WDSUB1: variants seen among roughly 807,000 people sequenced by gnomAD.
The protein encoded by WDSUB1 is WD repeat, SAM and U-box domain-containing protein 1.
In WDSUB1, 49 loss-of-function variants were observed where a neutral mutation model predicts 53.9. That is an observed-to-expected ratio of 0.91 (90% CI 0.72 to 1.15). WDSUB1 has a LOEUF of 1.15. WDSUB1 is among the 50% of genes most tolerant of loss of function. The pLI, the probability that WDSUB1 is intolerant of heterozygous loss-of-function variation, is 0.00. For missense variants in WDSUB1, 514 were observed against 562.0 expected (o/e 0.91, Z 0.86); for synonymous variants, 194 against 200.6 (o/e 0.97, Z 0.28).
chr2:159,282,067 T>TA (rs70994284), intron 2 of WDSUB1, among the ~76,000 whole-genome samples: 75,488 of 149,896 alleles, frequency 0.5, 19,527 homozygotes, highest in Non-Finnish European at 0.58. Context: ...CTCTTACAAT[T>TA]AAAAAAAAAA....
chr2:159,282,711 G>A lies in WDSUB1; in HGVS notation c.359C>T (p.Thr120Ile). 1.9e-6 allele frequency: 3 copies of A among 1,613,942 alleles called. No individual in the cohort carries two copies. The highest frequency in any genetic ancestry group is 2.2e-5 in the East Asian group (1 of 44,872). The change falls in exon 2 of 11, where the codon ACT (threonine) becomes ATT (isoleucine). Residue 120 changes from threonine to isoleucine, a missense_variant. By Grantham distance (89) the Thr-to-Ile change is moderately conservative. Transcript: ENST00000359774. ...TCLASGAADG[T>I]VVLWNAQSYK... ...TGACTGTGCATTCCACAAAACCACA[G>A]TTCCATCAGCTGCCCCTGATGCCAA...
chr2:159,259,880 A>G, intron 5 of WDSUB1, 37 bp from the exon 6 acceptor site: 2 of 1,467,282 alleles, frequency 1.4e-6, no homozygotes, highest in Non-Finnish European at 1.8e-6. Context: ...AAAGTTCTAT[A>G]AAAACAAAGT....
At chr2:159,254,015 A>G (rs1192775492) in intron 9 of WDSUB1, among the ~76,000 whole-genome samples, 1 of 152,216 alleles carries the variant, frequency 6.6e-6, no homozygotes, top group Non-Finnish European at 1.5e-5. Context: ...TCTTAAACAC[A>G]AGCCTAAGAG....
intron 10 of WDSUB1, among the ~76,000 whole-genome samples, chr2:159,244,272 T>C (rs1337691611): frequency 4.6e-5 from 7 of 151,966 alleles, no homozygotes; most frequent in Non-Finnish European, 4.4e-5. Context: ...AAGAAAGAAA[T>C]TACTTACATG....
rs116061446 is a variant in WDSUB1 at position 159,285,721 on chromosome 2, T to C, written c.-25+862A>G. On this transcript the variant is annotated intron_variant, in intron 1 of 10. Transcript: ENST00000359774. Reference sequence around the variant, plus strand: ...ACCCCATCAATCAATCAAACAAATATTAAGGCATAAGGAGCATGCCTTTCC... The same window carrying C: ...ACCCCATCAATCAATCAAACAAATACTAAGGCATAAGGAGCATGCCTTTCC... Among the ~76,000 whole-genome samples, 565 of 152,258 alleles carry C rather than the reference T, an allele frequency of 3.7e-3. 1 individual carries two copies. The highest frequency in any genetic ancestry group is 0.013 in the African/African-American group (540 of 41,530).
At chr2:159,244,950 AT>A (rs1246343082) in intron 10 of WDSUB1, among the ~76,000 whole-genome samples, 1 of 152,086 alleles carries the variant, frequency 6.6e-6, no homozygotes, top group Non-Finnish European at 1.5e-5. Flanking sequence ...AAATTTAAAC[AT>A]TTTTTTAAAA....
chr2:159,264,242 A>ATC (rs1251934043), intron 5 of WDSUB1, among the ~76,000 whole-genome samples: 1 of 152,246 alleles, frequency 6.6e-6, no homozygotes, highest in Non-Finnish European at 1.5e-5. Context: ...CTTTCAAGCA[A>ATC]TCTAGCATCT....
At chr2:159,252,387 G>GT (rs1216953033) in intron 9 of WDSUB1, among the ~76,000 whole-genome samples, 1 of 152,094 alleles carries the variant, frequency 6.6e-6, no homozygotes, top group Admixed American at 6.6e-5. Flanking sequence ...TACAATATAC[G>GT]TGAGTGAGGA....
In WDSUB1 at chr2:159,247,914, T is replaced by TATATATATATAA. The variant is rs1559532105; in HGVS notation, c.1273+457_1273+458insTTATATATATAT. On this transcript the variant is annotated intron_variant, in intron 10 of 10. Transcript: ENST00000359774. ...ATATATATATATATATATATAAATA[T>TATATATATATAA]ATATATATATATAAATATATATATA... is the stretch of plus-strand genomic sequence containing the variant. Among the ~76,000 whole-genome samples, 117 of 65,448 alleles carry TATATATATATAA rather than the reference T, an allele frequency of 1.8e-3. 4 individuals are homozygous for TATATATATATAA. The highest frequency in any genetic ancestry group is 2.9e-3 in the East Asian group (6 of 2,080). The allele number at this position is 65,448 out of a possible 152,430, so 42.9% of individuals were successfully genotyped here.
At chr2:159,264,128 A>C (rs1296285535) in intron 5 of WDSUB1, among the ~76,000 whole-genome samples, 1 of 152,212 alleles carries the variant, frequency 6.6e-6, no homozygotes, top group African/African-American at 2.4e-5. Flanking sequence ...CAATGTATCA[A>C]AATTGATTCA....
intron 6 of WDSUB1, among the ~76,000 whole-genome samples, chr2:159,259,018 A>AT (rs2061130511): frequency 6.7e-6 from 1 of 149,246 alleles, no homozygotes; most frequent in Admixed American, 6.6e-5. Context: ...TTTGGACAAT[A>AT]TTTTTTTCAA....
chr2:159,285,925 T>A (rs1216706398), intron 1 of WDSUB1, among the ~76,000 whole-genome samples: 1 of 152,122 alleles, frequency 6.6e-6, no homozygotes, highest in Non-Finnish European at 1.5e-5. Context: ...GCTGTGCAAG[T>A]GCGCACAGGT....
In WDSUB1 at chr2:159,282,970, T is replaced by C. The variant is rs139934795; in HGVS notation, c.100A>G (p.Ile34Val). 5 of 1,614,034 alleles carry C rather than the reference T, an allele frequency of 3.1e-6. No individual in the cohort carries two copies. The African/African-American group carries it at 6.7e-5, about 22-fold the overall frequency. ...AAGTCACGTAACGAGTACAGGCGAA[T>C]TGTTTTGTCCAAGGAGCAAGTAGCC... ...LLATCSLDKT[I>V]RLYSLRDFTE... Residue 34 changes from isoleucine to valine, a missense_variant, in exon 2 of 11, where the codon ATT (isoleucine) becomes GTT (valine). Ile to Val is a conservative substitution (Grantham distance 29). Transcript: ENST00000359774.
At chr2:159,283,158 T>C (rs779176724) in intron 1 of WDSUB1, 65 bp from the exon 2 acceptor site, 138 of 1,380,634 alleles carry the variant, frequency 1.0e-4, no homozygotes, top group Non-Finnish European at 1.1e-4. Context: ...TTTGAGTCTA[T>C]ATAAAAGGGC....
At chr2:159,283,121 T>C (rs932575423) in intron 1 of WDSUB1, 28 bp from the exon 2 acceptor site, 1 of 1,542,218 alleles carries the variant, frequency 6.5e-7, no homozygotes, top group Admixed American at 1.9e-5. Flanking sequence ...ATAAAGATTA[T>C]TTATTCTAGG....
chr2:159,275,513 T>C, intron 4 of WDSUB1, 33 bp downstream of exon 4: 1 of 1,507,712 alleles, frequency 6.6e-7, no homozygotes, highest in South Asian at 1.3e-5. Flanking sequence ...AGACCACAAA[T>C]AATTTTAGAG....
chr2:159,274,198 T>C (rs1013736018), intron 4 of WDSUB1, among the ~76,000 whole-genome samples: 1 of 152,190 alleles, frequency 6.6e-6, no homozygotes, highest in Non-Finnish European at 1.5e-5. Flanking sequence ...AAAGTTATTC[T>C]GCCCTAGAAA....
intron 9 of WDSUB1, among the ~76,000 whole-genome samples, chr2:159,250,836 G>C (rs945521211): frequency 6.6e-6 from 1 of 152,132 alleles, no homozygotes; most frequent in Non-Finnish European, 1.5e-5. Context: ...AAAATCTGTC[G>C]TGACTGGGGT....
At position 159,285,674 on chromosome 2, in the gene WDSUB1, C is replaced by G. The variant is rs779407781; in HGVS notation, c.-25+909G>C. Among the ~76,000 whole-genome samples the G allele has an allele frequency of 6.6e-4, 100 of 152,208 alleles. 2 individuals are homozygous for G. Among genetic ancestry groups the G allele is most frequent in the Non-Finnish European group, 5.3e-4 (36 of 68,040 alleles). On this transcript the variant is annotated intron_variant, in intron 1 of 10. Coordinates refer to ENST00000359774, the MANE Select transcript of WDSUB1 (RefSeq NM_001128212.3). ...TGAGCTGTGATTGCACCACTGCACT[C>G]TAGCCTGGGCAACAGAGCAGGACCC...
Sources: gnomAD v4.1 joint callset for allele counts (sites outside exome capture counted in the v4.1 genomes callset) on GRCh38, gnomAD v4.1.1 for gene constraint, MANE v1.5 for transcripts, NCBI Gene and HGNC (gene_info 2026-07-23, HGNC 2026-07-21) for gene names.